The following SDK1 variants were observed in gnomAD, a reference collection of about 807,000 sequenced individuals.
The protein encoded by SDK1 is protein sidekick-1.
A neutral mutation model predicts 245.5 loss-of-function variants in SDK1; 157 were observed. That is an observed-to-expected ratio of 0.64 (90% CI 0.56 to 0.73). The LOEUF is 0.73. SDK1 is among the 30% of genes least tolerant of loss of function. SDK1 has a pLI of 0.00. For missense variants in SDK1, 3,583 were observed against 3,002.3 expected (o/e 1.19, Z -4.52); for synonymous variants, 1,647 against 1,278.5 (o/e 1.29, Z -6.15).
chr7:3,357,716 C>T (rs1780843391), intron 1 of SDK1, among the ~76,000 whole-genome samples: 1 of 152,074 alleles, frequency 6.6e-6, no homozygotes, highest in African/African-American at 2.4e-5. Flanking sequence ...TCACATCCCT[C>T]CACTTTTCTC....
At chr7:3,321,648 T>C (rs974637129) in intron 1 of SDK1, among the ~76,000 whole-genome samples, 1 of 152,020 alleles carries the variant, frequency 6.6e-6, no homozygotes, top group Non-Finnish European at 1.5e-5. Context: ...AAACCTAATA[T>C]TTAATGCAAT....
At chr7:3,519,548 T>C (rs1301096964) in intron 1 of SDK1, among the ~76,000 whole-genome samples, 2 of 150,972 alleles carry the variant, frequency 1.3e-5, no homozygotes, top group Non-Finnish European at 2.9e-5. Context: ...TTAAAGCATT[T>C]GACATACATG....
chr7:3,739,589 G>C (rs1779418671), intron 4 of SDK1, among the ~76,000 whole-genome samples: 2 of 151,954 alleles, frequency 1.3e-5, no homozygotes, highest in African/African-American at 2.4e-5. Context: ...GAATTTATTT[G>C]TTATTTTACC....
At chr7:3,674,996 G>A (rs1268181473) in intron 4 of SDK1, among the ~76,000 whole-genome samples, 1 of 152,104 alleles carries the variant, frequency 6.6e-6, no homozygotes, top group Non-Finnish European at 1.5e-5. Context: ...TGGTGTGTGG[G>A]CCATATAAAA....
At chr7:3,447,844 A>G (rs754299298) in intron 1 of SDK1, among the ~76,000 whole-genome samples, 34 of 151,408 alleles carry the variant, frequency 2.2e-4, no homozygotes, top group Admixed American at 4.6e-4. Flanking sequence ...AGCTGGGATT[A>G]TAAGCATGCG....
chr7:4,220,767 T>G (rs1785106137), intron 39 of SDK1, among the ~76,000 whole-genome samples: 1 of 151,748 alleles, frequency 6.6e-6, no homozygotes, highest in Non-Finnish European at 1.5e-5. Flanking sequence ...CTCTTCAGGT[T>G]TTTTTGTTGT....
At chr7:3,398,778 T>TC (rs1778803483) in intron 1 of SDK1, among the ~76,000 whole-genome samples, 1 of 151,264 alleles carries the variant, frequency 6.6e-6, no homozygotes, top group Admixed American at 6.6e-5. Context: ...GTTTTTTTTT[T>TC]TTTTTTTCCT....
At chr7:3,796,837 C>T (rs1217997882) in intron 4 of SDK1, among the ~76,000 whole-genome samples, 1 of 151,876 alleles carries the variant, frequency 6.6e-6, no homozygotes, top group Non-Finnish European at 1.5e-5. Flanking sequence ...TTTAAAGAGA[C>T]TAAAGTTATC....
chr7:3,780,655 A>G (rs1780702348), intron 4 of SDK1, among the ~76,000 whole-genome samples: 2 of 152,132 alleles, frequency 1.3e-5, no homozygotes, highest in Non-Finnish European at 2.9e-5. Context: ...ATTTCAGGGA[A>G]GCAAAGGGGC....
intron 1 of SDK1, among the ~76,000 whole-genome samples, chr7:3,392,495 A>G (rs1293773797): frequency 1.3e-5 from 2 of 152,122 alleles, no homozygotes; most frequent in East Asian, 3.9e-4. Context: ...AACCATTTAA[A>G]AAGTGCAGTT....
chr7:3,772,585 A>C (rs1444475364), intron 4 of SDK1, among the ~76,000 whole-genome samples: 1 of 152,230 alleles, frequency 6.6e-6, no homozygotes, highest in African/African-American at 2.4e-5. Flanking sequence ...ATCTTAAATC[A>C]TATAGAAAAA....
At chr7:3,613,990 G>A (rs996184884) in intron 1 of SDK1, among the ~76,000 whole-genome samples, 4 of 152,202 alleles carry the variant, frequency 2.6e-5, no homozygotes, top group African/African-American at 9.6e-5. Flanking sequence ...GAGGATGAGA[G>A]CGGGGAGAGG....
intron 5 of SDK1, among the ~76,000 whole-genome samples, chr7:3,855,491 G>A (rs1342181628): frequency 6.6e-6 from 1 of 152,122 alleles, no homozygotes; most frequent in Admixed American, 6.5e-5. Flanking sequence ...AGACAAAAGT[G>A]AATTCAACTT....
At chr7:3,753,581 T>C (rs1390620587) in intron 4 of SDK1, among the ~76,000 whole-genome samples, 1 of 152,188 alleles carries the variant, frequency 6.6e-6, no homozygotes, top group African/African-American at 2.4e-5. Flanking sequence ...CTCTGATTCC[T>C]CCCTCGAAGT....
At chr7:3,641,630 T>G (rs917126016) in intron 3 of SDK1, among the ~76,000 whole-genome samples, 1 of 152,250 alleles carries the variant, frequency 6.6e-6, no homozygotes. Context: ...AGAAAACTGC[T>G]TCACGTGGCT....
intron 22 of SDK1, among the ~76,000 whole-genome samples, chr7:4,090,915 G>A (rs1001937269): frequency 2.0e-5 from 3 of 151,974 alleles, no homozygotes; most frequent in Non-Finnish European, 2.9e-5. Context: ...ACATCTATCC[G>A]AGCCCTTCTC....
At chr7:3,925,007 C>T (rs1024447904) in intron 5 of SDK1, among the ~76,000 whole-genome samples, 4 of 152,180 alleles carry the variant, frequency 2.6e-5, no homozygotes, top group African/African-American at 9.7e-5. Flanking sequence ...AAGGTCCAGA[C>T]TCTTAATGTG....
At chr7:4,163,170 T>C (rs566060165) in intron 32 of SDK1, among the ~76,000 whole-genome samples, 72 of 151,980 alleles carry the variant, frequency 4.7e-4, no homozygotes, top group African/African-American at 1.6e-3. Context: ...GCTGGGAACA[T>C]AGTGGGATGG....
At chr7:4,004,226 T>C (rs946332013) in intron 14 of SDK1, among the ~76,000 whole-genome samples, 8 of 152,222 alleles carry the variant, frequency 5.3e-5, no homozygotes, top group Non-Finnish European at 8.8e-5. Context: ...GGGAATAAAA[T>C]AGATCCCAAG....
Sources: gnomAD v4.1 joint callset for allele counts (sites outside exome capture counted in the v4.1 genomes callset) on GRCh38, gnomAD v4.1.1 for gene constraint, MANE v1.5 for transcripts, NCBI Gene and HGNC (gene_info 2026-07-23, HGNC 2026-07-21) for gene names.